The following LARGE1 variants were observed in gnomAD, a reference collection of about 807,000 sequenced individuals.
LARGE1 encodes the protein LARGE xylosyl- and glucuronyltransferase 1.
Under a neutral mutation model 87.6 loss-of-function variants are expected in LARGE1, and 43 were observed. The observed-to-expected ratio is 0.49, with a 90% CI of 0.38 to 0.63. LARGE1 has a LOEUF of 0.63. Ranked by LOEUF, LARGE1 falls within the 30% of genes least tolerant of loss-of-function variation. LARGE1 has a pLI of 0.00. For synonymous variants in LARGE1, 434 were observed against 394.6 expected, an observed-to-expected ratio of 1.10 and a Z score of -1.18; for missense variants, 802 against 1,000.2, an observed-to-expected ratio of 0.80 and a Z score of 2.67.
intron 2 of LARGE1, among the ~76,000 whole-genome samples, chr22:33,699,902 T>C (rs900256966): frequency 3.3e-5 from 5 of 152,190 alleles, no homozygotes; most frequent in African/African-American, 4.8e-5. Flanking sequence ...CCCAGTCACT[T>C]CTCTATTGGT....
At chr22:33,137,423 C>T in the LARGE1 span, 1 of 152,454 alleles carries the variant, frequency 6.6e-6, no homozygotes, top group Non-Finnish European at 1.5e-5. Flanking sequence ...TAAAGGCATT[C>T]AGTTTCATAA....
chr22:33,272,567 G>T lies in LARGE1; in HGVS notation c.*1860C>A, dbSNP rs1294075625. On this transcript the variant is annotated 3_prime_UTR_variant, in exon 15 of 15. Transcript: ENST00000397394. ...GTCACTTTTTATTTATAAATGCTTT[G>T]TATATAGGCTATATACTTGTATGCT... is the stretch of plus-strand genomic sequence containing the variant. Among the ~76,000 whole-genome samples, 1 of 152,066 alleles carries T rather than the reference G, an allele frequency of 6.6e-6. No homozygotes were observed. Among genetic ancestry groups the T allele is most frequent in the Admixed American group, 6.5e-5 (1 of 15,268 alleles).
At chr22:33,357,553 G>T (rs1297441630) in intron 9 of LARGE1, among the ~76,000 whole-genome samples, 2 of 152,150 alleles carry the variant, frequency 1.3e-5, no homozygotes, top group Non-Finnish European at 2.9e-5. Context: ...CCAGCACTTT[G>T]GGAGGCTGAG....
chr22:33,322,753 T>G (rs1388843718), intron 10 of LARGE1: 8 of 152,244 alleles, frequency 5.3e-5, no homozygotes, highest in Non-Finnish European at 7.3e-5. Context: ...CCAAGCTCAC[T>G]TGCAGCCCTT....
chr22:33,245,696 G>T (rs1926722334), intron 11 of LARGE1, among the ~76,000 whole-genome samples: 1 of 152,204 alleles, frequency 6.6e-6, no homozygotes, highest in African/African-American at 2.4e-5. Flanking sequence ...ATCACCTGAG[G>T]TCTGGAGTTC....
intron 2 of LARGE1, among the ~76,000 whole-genome samples, chr22:33,684,563 A>G (rs975339730): frequency 6.6e-6 from 1 of 152,184 alleles, no homozygotes; most frequent in African/African-American, 2.4e-5. Flanking sequence ...AGGGACAGTT[A>G]TTGGTTGCCT....
chr22:33,281,223 T>C (rs2145872382), intron 13 of LARGE1, among the ~76,000 whole-genome samples: 1 of 152,164 alleles, frequency 6.6e-6, no homozygotes, highest in Admixed American at 6.5e-5. Context: ...GGCTGTGAAA[T>C]GAGTTCTCGG....
At chr22:33,582,901 G>A (rs2078563366) in intron 5 of LARGE1, among the ~76,000 whole-genome samples, 1 of 152,224 alleles carries the variant, frequency 6.6e-6, no homozygotes, top group South Asian at 2.1e-4. Flanking sequence ...ACCTGGCTGT[G>A]CTTTCAACCA....
chr22:33,469,252 T>G (rs1232896130), intron 6 of LARGE1, among the ~76,000 whole-genome samples: 1 of 152,106 alleles, frequency 6.6e-6, no homozygotes, highest in Non-Finnish European at 1.5e-5. Context: ...TGCAGCACTA[T>G]TCACAATAGC....
intron 1 of LARGE1, among the ~76,000 whole-genome samples, chr22:33,766,546 T>G (rs1369832543): frequency 6.6e-6 from 1 of 152,150 alleles, no homozygotes; most frequent in Non-Finnish European, 1.5e-5. Context: ...TGCCTCAGCC[T>G]CCCGAATAGC....
At chr22:33,704,590 C>T in intron 2 of LARGE1, among the ~76,000 whole-genome samples, 1 of 152,316 alleles carries the variant, frequency 6.6e-6, no homozygotes, top group Non-Finnish European at 1.5e-5. Context: ...CGACACTCAT[C>T]AGTGAGGCCT....
chr22:33,555,092 A>G (rs1254707388), intron 6 of LARGE1, among the ~76,000 whole-genome samples: 1 of 152,210 alleles, frequency 6.6e-6, no homozygotes, highest in African/African-American at 2.4e-5. Flanking sequence ...TCTTCTTACT[A>G]TTCCCTAAAC....
chr22:33,442,507 G>C lies in LARGE1; in HGVS notation c.788-10242C>G, dbSNP rs1276505804. Reference sequence around the variant, plus strand: ...AGGGTAGGTTTGGGGACCTCTGAAAGGGGGTGGTCACCTACCAGGCATGCT... The same window carrying C: ...AGGGTAGGTTTGGGGACCTCTGAAACGGGGTGGTCACCTACCAGGCATGCT... On this transcript the variant is annotated intron_variant, in intron 6 of 14. Coordinates refer to ENST00000397394, the MANE Select transcript of LARGE1 (RefSeq NM_133642.5). 2.6e-5 allele frequency among the ~76,000 whole-genome samples: 4 copies of C among 152,242 alleles called. No individual in the cohort carries two copies. The East Asian group carries it at 7.7e-4, about 29-fold the overall frequency.
chr22:33,239,511 C>T (rs1402285248), intron 11 of LARGE1, among the ~76,000 whole-genome samples: 5 of 150,488 alleles, frequency 3.3e-5, no homozygotes, highest in Non-Finnish European at 7.4e-5. Context: ...CTTTTGTACG[C>T]CTTACTATTT....
intron 6 of LARGE1, among the ~76,000 whole-genome samples, chr22:33,520,795 T>C (rs1735568437): frequency 6.6e-6 from 1 of 152,194 alleles, no homozygotes; most frequent in African/African-American, 2.4e-5. Flanking sequence ...CTTCCTTCAA[T>C]GTAAAAAGAA....
the LARGE1 span, chr22:33,105,953 T>G: frequency 6.6e-6 from 1 of 152,222 alleles, no homozygotes; most frequent in Non-Finnish European, 1.5e-5. Context: ...ACCAGATATG[T>G]CAAATGAATG....
At chr22:33,529,482 G>A (rs1221130877) in intron 6 of LARGE1, among the ~76,000 whole-genome samples, 1 of 152,172 alleles carries the variant, frequency 6.6e-6, no homozygotes, top group Non-Finnish European at 1.5e-5. Flanking sequence ...GTATACACAA[G>A]ACAAAAGCAG....
chr22:33,259,940 T>C (rs1291485391), intron 11 of LARGE1, among the ~76,000 whole-genome samples: 1 of 152,228 alleles, frequency 6.6e-6, no homozygotes, highest in East Asian at 1.9e-4. Flanking sequence ...CTGGCCAATT[T>C]GCGTTCCATA....
At chr22:33,398,652 T>A (rs2065832170) in intron 7 of LARGE1, among the ~76,000 whole-genome samples, 1 of 152,190 alleles carries the variant, frequency 6.6e-6, no homozygotes, top group Admixed American at 6.5e-5. Context: ...TGACCCCCAA[T>A]ACCTATGCAT....
Sources: allele counts gnomAD v4.1 joint callset (sites outside exome capture counted in the v4.1 genomes callset), GRCh38; gene constraint gnomAD v4.1.1; transcripts MANE v1.5; gene names NCBI Gene and HGNC (gene_info 2026-07-23, HGNC 2026-07-21).